Variants in MACO1 observed in about 807,000 individuals in gnomAD.
MACO1 encodes the protein macoilin.
In MACO1, 14 loss-of-function variants were observed where a neutral mutation model predicts 78.7. The ratio of observed to expected loss-of-function variants is 0.18; its 90% CI spans 0.12 to 0.28. The LOEUF (loss-of-function observed/expected upper bound fraction) is 0.28, where lower values mean the gene tolerates loss of function less well. Among genes scored for constraint, MACO1 ranks in the 10% least tolerant of loss-of-function variants. The pLI, the probability that MACO1 is intolerant of heterozygous loss-of-function variation, is 1.00. For synonymous variants in MACO1, 288 were observed against 291.6 expected (o/e 0.99, Z 0.12); for missense variants, 501 against 799.0 (o/e 0.63, Z 4.50).
intron 1 of MACO1, among the ~76,000 whole-genome samples, chr1:25,446,337 AAG>A (rs1382087685): frequency 6.6e-6 from 1 of 152,224 alleles, no homozygotes; most frequent in African/African-American, 2.4e-5. Flanking sequence ...AAGAATTTCA[AAG>A]ACTCTTCAAA....
At chr1:25,443,470 A>G (rs940031463) in intron 1 of MACO1, among the ~76,000 whole-genome samples, 1 of 152,236 alleles carries the variant, frequency 6.6e-6, no homozygotes, top group African/African-American at 2.4e-5. Flanking sequence ...TTTCTTAGAT[A>G]CCTGTACTTC....
At chr1:25,489,932 T>C (rs914475941) in intron 9 of MACO1, among the ~76,000 whole-genome samples, 2 of 151,514 alleles carry the variant, frequency 1.3e-5, no homozygotes, top group Non-Finnish European at 2.9e-5. Context: ...CAGAGATAGA[T>C]GGGAAAGGTA....
Position 25,484,162 on chromosome 1 carries a change from A to C in MACO1, c.1201A>C (p.Arg401=). The C allele has an allele frequency of 6.2e-7, 1 of 1,614,008 alleles. No homozygotes were observed. The highest frequency in any genetic ancestry group is 8.5e-7 in the Non-Finnish European group (1 of 1,179,988). The change falls in exon 7 of 11, where the codon AGA becomes CGA. Residue 401 remains arginine, a synonymous_variant. Transcript: ENST00000374343. ...KKLKADLQAS[R]QVEQELRSQI... ...GTTAAAGGCTGACCTGCAAGCCAGCAGACAAGTGGAACAAGAGCTCCGCAG... is the reference window on the plus strand; with the variant it reads ...GTTAAAGGCTGACCTGCAAGCCAGCCGACAAGTGGAACAAGAGCTCCGCAG...
chr1:25,438,373 A>C (rs752779899), intron 1 of MACO1, among the ~76,000 whole-genome samples: 6 of 152,244 alleles, frequency 3.9e-5, no homozygotes, highest in Non-Finnish European at 5.9e-5. Context: ...TTTCTGTCTT[A>C]CTTGTAACTT....
chr1:25,446,551 C>G (rs549845617), intron 1 of MACO1, among the ~76,000 whole-genome samples: 2 of 152,188 alleles, frequency 1.3e-5, no homozygotes, highest in South Asian at 4.1e-4. Context: ...TTGGTATCAT[C>G]TTATCTTGAT....
At chr1:25,494,539 G>A (rs755856477) in intron 10 of MACO1, among the ~76,000 whole-genome samples, 17 of 152,180 alleles carry the variant, frequency 1.1e-4, no homozygotes, top group African/African-American at 4.1e-4. Flanking sequence ...AGAAAGAGGG[G>A]ACGTGTTCAG....
intron 3 of MACO1, among the ~76,000 whole-genome samples, chr1:25,450,023 A>C (rs2043051194): frequency 6.6e-6 from 1 of 152,218 alleles, no homozygotes; most frequent in East Asian, 1.9e-4. Context: ...CATCTCAAAA[A>C]ACACACAACA....
chr1:25,478,231 C>T (rs147368295), intron 6 of MACO1, among the ~76,000 whole-genome samples: 2,327 of 152,132 alleles, frequency 0.015, 59 homozygotes, highest in African/African-American at 0.053. Flanking sequence ...GGCGACAGAG[C>T]GAGACTCTGT....
intron 6 of MACO1, among the ~76,000 whole-genome samples, chr1:25,468,198 G>A (rs1181129909): frequency 6.6e-6 from 1 of 152,086 alleles, no homozygotes; most frequent in Non-Finnish European, 1.5e-5. Flanking sequence ...TAAATAGAAG[G>A]GAGCCAGCTG....
Position 25,456,698 on chromosome 1 carries a change from C to T in MACO1, c.519C>T (p.Tyr173=), listed in dbSNP as rs571435643. 15 of 1,613,636 alleles carry T rather than the reference C, an allele frequency of 9.3e-6. No individual in the cohort carries two copies. The highest frequency in any genetic ancestry group is 2.2e-5 in the East Asian group (1 of 44,846). Residue 173 remains tyrosine (Y), a synonymous_variant, in exon 5 of 11, where the codon TAC becomes TAT. Coordinates refer to ENST00000374343, the MANE Select transcript of MACO1 (RefSeq NM_018202.6). The part of the protein sequence containing the change: ...VVTLGFGFKS[Y]VSYKMRLRKQ... Reference sequence around the variant, plus strand: ...CTTTGGGGTTTGGCTTCAAAAGTTACGTAAGCTACAAAATGCGGTTAAGGA... The same window carrying T: ...CTTTGGGGTTTGGCTTCAAAAGTTATGTAAGCTACAAAATGCGGTTAAGGA...
intron 10 of MACO1, among the ~76,000 whole-genome samples, chr1:25,493,652 T>C (rs2043508679): frequency 6.6e-6 from 1 of 151,872 alleles, no homozygotes; most frequent in Admixed American, 6.6e-5. Context: ...CAAAAAAAAA[T>C]TCCTGAAAAA....
intron 3 of MACO1, among the ~76,000 whole-genome samples, chr1:25,451,517 AG>A (rs1393620576): frequency 1.3e-5 from 2 of 152,142 alleles, no homozygotes. Flanking sequence ...ATTAATATAG[AG>A]AATAGGGCAG....
chr1:25,434,875 G>C (rs2042906379), intron 1 of MACO1, among the ~76,000 whole-genome samples: 5 of 152,082 alleles, frequency 3.3e-5, no homozygotes, highest in Admixed American at 3.3e-4. Flanking sequence ...TTTTCCAGGT[G>C]AGGTGAGGTT....
Position 25,437,196 on chromosome 1 carries a change from G to A in MACO1, c.80+6018G>A, listed in dbSNP as rs115444572. ...GTCGCCCAGGCTGGAGTCCAGCAGC[G>A]AGATCACAGCTCACTGTATCCTTCA... On this transcript the variant is annotated intron_variant, in intron 1 of 10. Transcript: ENST00000374343. Among the ~76,000 whole-genome samples the A allele has an allele frequency of 8.5e-3, 1,273 of 149,388 alleles. 19 individuals are homozygous for A. Among genetic ancestry groups the A allele is most frequent in the African/African-American group, 0.029 (1,179 of 40,470 alleles).
intron 9 of MACO1, 162 bp from the exon 10 acceptor site, chr1:25,491,248 A>G: frequency 5.9e-6 from 2 of 337,590 alleles, no homozygotes; most frequent in Middle Eastern, 1.5e-3. Context: ...GCTTATTGCC[A>G]TATAAACACA....
At chr1:25,496,711 A>G (rs1364117804) in intron 10 of MACO1, among the ~76,000 whole-genome samples, 2 of 152,066 alleles carry the variant, frequency 1.3e-5, no homozygotes, top group Non-Finnish European at 2.9e-5. Flanking sequence ...GAAAAAAAAA[A>G]AGGGTAGACA....
chr1:25,491,571 C>G lies in MACO1; in HGVS notation c.1779C>G (p.Leu593=), dbSNP rs778304098. ...CACTGGGCGATGCAAAGCGGCAGCT[C>G]GAGATTGCCCAAGGTAGGAGAACGT... ...FSALGDAKRQ[L]EIAQGQILQK... The change falls in exon 10 of 11, where the codon CTC becomes CTG. Residue 593 remains leucine (L), a synonymous_variant. Coordinates refer to ENST00000374343, the MANE Select transcript of MACO1 (RefSeq NM_018202.6). The G allele has an allele frequency of 1.2e-6, 2 of 1,614,136 alleles. No individual in the cohort carries two copies. Among genetic ancestry groups the G allele is most frequent in the African/African-American group, 1.3e-5 (1 of 75,056 alleles).
chr1:25,443,228 C>G (rs904953338), intron 1 of MACO1, among the ~76,000 whole-genome samples: 4 of 152,194 alleles, frequency 2.6e-5, no homozygotes, highest in Non-Finnish European at 5.9e-5. Context: ...CATGTACCTA[C>G]AGAAGGATAA....
intron 6 of MACO1, among the ~76,000 whole-genome samples, chr1:25,472,209 A>G (rs2043277436): frequency 6.6e-6 from 1 of 152,120 alleles, no homozygotes; most frequent in Non-Finnish European, 1.5e-5. Flanking sequence ...TATATATATT[A>G]TACTTTGAGT....
Sources: allele counts gnomAD v4.1 joint callset (sites outside exome capture counted in the v4.1 genomes callset), GRCh38; gene constraint gnomAD v4.1.1; transcripts MANE v1.5; gene names NCBI Gene and HGNC (gene_info 2026-07-23, HGNC 2026-07-21).